Variants in ITGAL observed in about 807,000 individuals in gnomAD.
ITGAL encodes integrin subunit alpha L, also known as integrin alpha-L.
A neutral mutation model predicts 138.4 loss-of-function variants in ITGAL; 68 were observed. That is an observed-to-expected ratio of 0.49 (90% CI 0.40 to 0.60). ITGAL has a LOEUF of 0.60. Ranked by LOEUF, ITGAL falls within the 20% of genes least tolerant of loss-of-function variation. The probability of loss-of-function intolerance (pLI) is 0.00; values close to 1 mark genes in which losing one functional copy is unlikely to be tolerated. For synonymous variants in ITGAL, 561 were observed against 584.3 expected (o/e 0.96, Z 0.57); for missense variants, 1,256 against 1,478.6 (o/e 0.85, Z 2.47).
rs2151138807 is a variant in ITGAL at position 30,472,833 on chromosome 16, G to A, written c.-5G>A. On this transcript the variant is annotated 5_prime_UTR_variant, in exon 1 of 31. Transcript: ENST00000356798. The stretch of plus-strand genomic sequence containing the variant: ...GGGGCCACAGGTCCCTCGAGTGCTG[G>A]AAGGATGAAGGATTCCTGCATCACT... 6 of 1,612,496 alleles carry A rather than the reference G, an allele frequency of 3.7e-6. No homozygotes were observed. The highest frequency in any genetic ancestry group is 3.4e-6 in the Non-Finnish European group (4 of 1,179,662).
chr16:30,493,245 C>CATTTTATTTTATTTT (rs58908720), intron 11 of ITGAL, among the ~76,000 whole-genome samples: 49,045 of 139,446 alleles, frequency 0.35, 9,063 homozygotes, highest in African/African-American at 0.42. Context: ...TAATATATAC[C>CATTTTATTTTATTTT]ATTTTATTTT....
chr16:30,516,924 C>A, intron 25 of ITGAL, 49 bp from the exon 26 acceptor site: 2 of 1,304,582 alleles, frequency 1.5e-6, no homozygotes, highest in Non-Finnish European at 1.1e-6. Context: ...TGGGGGGCAG[C>A]TGGGGTGGCT....
chr16:30,488,666 G>T (rs560874015), intron 9 of ITGAL, among the ~76,000 whole-genome samples: 4 of 129,512 alleles, frequency 3.1e-5, no homozygotes, highest in Admixed American at 2.0e-4. Context: ...TTGCACTACC[G>T]CACTCCAGCC....
intron 20 of ITGAL, among the ~76,000 whole-genome samples, chr16:30,505,986 G>A (rs573020699): frequency 8.5e-5 from 13 of 152,250 alleles, no homozygotes; most frequent in African/African-American, 2.9e-4. Context: ...ATGGCCTGGC[G>A]CGGTGGCTCA....
At chr16:30,485,433 G>T (rs2050632792) in intron 9 of ITGAL, among the ~76,000 whole-genome samples, 1 of 152,116 alleles carries the variant, frequency 6.6e-6, no homozygotes, top group Non-Finnish European at 1.5e-5. Flanking sequence ...CATCGTGTTA[G>T]CCAGGATGAT....
At chr16:30,475,269 T>G in intron 2 of ITGAL, 37 bp from the exon 3 acceptor site, 1 of 1,486,740 alleles carries the variant, frequency 6.7e-7, no homozygotes, top group Non-Finnish European at 9.4e-7. Context: ...GGTACAGATC[T>G]GGGCCACTCC....
At chr16:30,499,731 A>ATTTTTTTT (rs1391197801) in intron 17 of ITGAL, among the ~76,000 whole-genome samples, 2 of 96,680 alleles carry the variant, frequency 2.1e-5, no homozygotes, top group African/African-American at 1.2e-4. Flanking sequence ...ATATATATAT[A>ATTTTTTTT]TATTTTTTTT....
At chr16:30,475,731 A>G (rs1260988840) in intron 4 of ITGAL, 151 bp downstream of exon 4, 1 of 381,558 alleles carries the variant, frequency 2.6e-6, no homozygotes, top group African/African-American at 2.5e-5. Context: ...ATGATGAACC[A>G]GCCTTTTTTT....
intron 17 of ITGAL, among the ~76,000 whole-genome samples, chr16:30,502,396 CAAAAAAAAAAAAA>C (rs57501055): frequency 0.018 from 1,455 of 80,186 alleles, 40 homozygotes; most frequent in African/African-American, 0.046. Context: ...GACTCCATCT[CAAAAAAAAAAAAA>C]AAAAAAAAAA....
At chr16:30,506,927 G>A in intron 21 of ITGAL, 71 bp downstream of exon 21, 1 of 1,572,732 alleles carries the variant, frequency 6.4e-7, no homozygotes. Flanking sequence ...TGAGCCCCAG[G>A]CAGCCAGGAC....
At chr16:30,517,448 A>T (rs2051183217) in intron 26 of ITGAL, among the ~76,000 whole-genome samples, 1 of 151,594 alleles carries the variant, frequency 6.6e-6, no homozygotes. Context: ...ACAGAACAAG[A>T]CCCTGTCTCT....
At chr16:30,515,478 C>G (rs566773249) in intron 25 of ITGAL, among the ~76,000 whole-genome samples, 119 of 152,334 alleles carry the variant, frequency 7.8e-4, no homozygotes, top group African/African-American at 2.7e-3. Context: ...TGACTTCCCA[C>G]TGCCTCCTTG....
intron 9 of ITGAL, among the ~76,000 whole-genome samples, chr16:30,488,664 C>T (rs562005036): frequency 1.4e-5 from 2 of 148,068 alleles, no homozygotes; most frequent in African/African-American, 5.0e-5. Context: ...GATTGCACTA[C>T]CGCACTCCAG....
At chr16:30,505,864 C>T (rs1046446547) in intron 20 of ITGAL, among the ~76,000 whole-genome samples, 6 of 152,168 alleles carry the variant, frequency 3.9e-5, no homozygotes, top group African/African-American at 9.6e-5. Context: ...CAGAGCAAGA[C>T]TCTATCTCTA....
chr16:30,508,527 C>G (rs2051040516), intron 21 of ITGAL, among the ~76,000 whole-genome samples: 1 of 152,112 alleles, frequency 6.6e-6, no homozygotes, highest in African/African-American at 2.4e-5. Flanking sequence ...TATTCTTATA[C>G]AGCAACATTA....
intron 17 of ITGAL, among the ~76,000 whole-genome samples, chr16:30,500,547 T>C (rs931403678): frequency 1.3e-5 from 2 of 151,930 alleles, no homozygotes; most frequent in African/African-American, 4.8e-5. Context: ...TTTTTAATTT[T>C]TTATTAAAAA....
At chr16:30,496,748 C>T (rs904719290) in intron 15 of ITGAL, among the ~76,000 whole-genome samples, 182 bp downstream of exon 15, 22 of 151,616 alleles carry the variant, frequency 1.5e-4, no homozygotes, top group Non-Finnish European at 1.3e-4. Context: ...CTTAAGTGAT[C>T]CTCCCACCTC....
intron 11 of ITGAL, 21 bp downstream of exon 11, chr16:30,489,407 C>T (rs866327140): frequency 6.2e-7 from 1 of 1,610,880 alleles, no homozygotes; most frequent in Middle Eastern, 1.7e-4. Context: ...CTCTTTTCTG[C>T]TGGGATCTTC....
chr16:30,486,413 A>G (rs2050647538), intron 9 of ITGAL, among the ~76,000 whole-genome samples: 1 of 151,924 alleles, frequency 6.6e-6, no homozygotes, highest in African/African-American at 2.4e-5. Context: ...TGTCTCAAAA[A>G]AAAAAAAAAA....
Sources: allele counts gnomAD v4.1 joint callset (sites outside exome capture counted in the v4.1 genomes callset), GRCh38; gene constraint gnomAD v4.1.1; transcripts MANE v1.5; gene names NCBI Gene and HGNC (gene_info 2026-07-23, HGNC 2026-07-21).